SYNE3: variants seen among roughly 807,000 people sequenced by gnomAD.
SYNE3 encodes the protein spectrin repeat containing nuclear envelope family member 3, also known as nesprin-3.
A neutral mutation model predicts 111.2 loss-of-function variants in SYNE3; 100 were observed. That is an observed-to-expected ratio of 0.90 (90% CI 0.77 to 1.06). The LOEUF (loss-of-function observed/expected upper bound fraction) is 1.06. SYNE3 is among the 50% of genes least tolerant of loss of function. SYNE3 has a pLI of 0.00. For missense variants in SYNE3, 1,160 were observed against 1,240.3 expected (o/e 0.94, Z 0.97); for synonymous variants, 547 against 533.9 (o/e 1.02, Z -0.34).
At chr14:95,428,077 G>A (rs1269554795) in intron 17 of SYNE3, among the ~76,000 whole-genome samples, 1 of 152,144 alleles carries the variant, frequency 6.6e-6, no homozygotes, top group Non-Finnish European at 1.5e-5. Flanking sequence ...TCAATATGGG[G>A]GACCAAGGGA....
intron 17 of SYNE3, among the ~76,000 whole-genome samples, chr14:95,427,877 A>G (rs746304462): frequency 2.6e-5 from 4 of 152,140 alleles, no homozygotes; most frequent in Non-Finnish European, 5.9e-5. Flanking sequence ...AAACTCACCG[A>G]CCCTGTGGGG....
intron 1 of SYNE3, among the ~76,000 whole-genome samples, chr14:95,491,646 T>A (rs565065270): frequency 6.6e-6 from 1 of 152,186 alleles, no homozygotes; most frequent in African/African-American, 2.4e-5. Flanking sequence ...TACGCATCAA[T>A]CTTCCTGACC....
intron 8 of SYNE3, among the ~76,000 whole-genome samples, chr14:95,448,720 T>G (rs946837345): frequency 3.3e-5 from 5 of 152,112 alleles, no homozygotes; most frequent in Non-Finnish European, 5.9e-5. Flanking sequence ...GAAAACAAAT[T>G]ATTGTCCCAA....
At position 95,415,098 on chromosome 14, in the gene SYNE3, A is replaced by G. The variant is rs1239630907; in HGVS notation, c.*2728T>C. The G allele has an allele frequency of 1.3e-5, 2 of 149,174 alleles. No homozygotes were observed. Among genetic ancestry groups the G allele is most frequent in the African/African-American group, 5.0e-5 (2 of 40,304 alleles). 9.2% of individuals were successfully genotyped at this position (149,174 alleles called of 1,614,324 possible). On this transcript the variant is annotated 3_prime_UTR_variant, in exon 18 of 18. Coordinates refer to ENST00000682763, the MANE Select transcript of SYNE3 (RefSeq NM_152592.6). ...TACATGCCCAGTGGCTGTTTTTTTC[A>G]TGTAGTTGCTGACATGAGCGGATCA...
At chr14:95,460,695 C>T (rs959537632) in intron 4 of SYNE3, among the ~76,000 whole-genome samples, 4 of 152,188 alleles carry the variant, frequency 2.6e-5, no homozygotes, top group Non-Finnish European at 5.9e-5. Context: ...CTTCGGCAAG[C>T]TCCCCTGCTG....
At position 95,455,499 on chromosome 14, in the gene SYNE3, G is replaced by A. The variant is rs759165323; in HGVS notation, c.1015C>T (p.Gln339Ter). The A allele has an allele frequency of 6.2e-7, 1 of 1,613,744 alleles. No homozygotes were observed. Among genetic ancestry groups the A allele is most frequent in the South Asian group, 1.1e-5 (1 of 91,046 alleles). ...AACTCACTGAGCTCAGCCTCCAGCT[G>A]CTTAATCTGCTGCTCCCAGGCTCCC... ...SRGAWEQQIK[Q>*]LEAELSEFRM... Residue 339 changes from glutamine to a stop codon, truncating the protein, a stop_gained, in exon 6 of 18, where the codon CAG becomes TAG. Transcript: ENST00000682763. LOFTEE classifies it high-confidence loss of function.
At chr14:95,484,483 G>A (rs1477405253) in intron 1 of SYNE3, among the ~76,000 whole-genome samples, 3 of 152,202 alleles carry the variant, frequency 2.0e-5, no homozygotes, top group Non-Finnish European at 2.9e-5. Context: ...GCCGGTCAGA[G>A]GGCAGGCAGG....
At chr14:95,493,319 C>A (rs1889935626) in intron 1 of SYNE3, among the ~76,000 whole-genome samples, 1 of 152,198 alleles carries the variant, frequency 6.6e-6, no homozygotes, top group South Asian at 2.1e-4. Flanking sequence ...TTTAAGACAA[C>A]TTTAATGGTT....
At chr14:95,444,410 G>T in intron 10 of SYNE3, 75 bp downstream of exon 10, 1 of 1,514,588 alleles carries the variant, frequency 6.6e-7, no homozygotes, top group Non-Finnish European at 8.9e-7. Flanking sequence ...GCTGGTTACT[G>T]CTAGAGGGAG....
At chr14:95,448,683 G>A (rs1457954618) in intron 8 of SYNE3, among the ~76,000 whole-genome samples, 4 of 152,164 alleles carry the variant, frequency 2.6e-5, no homozygotes, top group Non-Finnish European at 4.4e-5. Context: ...GCAAGACTTC[G>A]TCTCCAAACA....
At position 95,475,766 on chromosome 14, in the gene SYNE3, C is replaced by T; in HGVS notation, c.56G>A (p.Trp19Ter). The change falls in exon 2 of 18, where the codon TGG becomes TAG. Residue 19 changes from tryptophan to a stop codon, truncating the protein, a stop_gained. Coordinates refer to ENST00000682763, the MANE Select transcript of SYNE3 (RefSeq NM_152592.6). LOFTEE classifies it high-confidence loss of function. ...FDRSVEDAQA[W>*]MKAVQDQLQV... ...CAGCTGGTCCTGCACAGCCTTCATC[C>T]ATGCCTGGGCATCCTCCACGCTCCT... 3 of 1,605,806 alleles carry T rather than the reference C, an allele frequency of 1.9e-6. No individual in the cohort carries two copies. The highest frequency in any genetic ancestry group is 2.5e-6 in the Non-Finnish European group (3 of 1,176,722).
intron 1 of SYNE3, among the ~76,000 whole-genome samples, chr14:95,476,089 G>A (rs1459096835): frequency 6.6e-6 from 1 of 152,220 alleles, no homozygotes; most frequent in Non-Finnish European, 1.5e-5. Context: ...GGCCTCTCAG[G>A]TTCCCTGCTT....
chr14:95,424,654 G>T (rs902871417), intron 17 of SYNE3, among the ~76,000 whole-genome samples: 1 of 152,128 alleles, frequency 6.6e-6, no homozygotes, highest in Non-Finnish European at 1.5e-5. Context: ...CCACAGCACC[G>T]CTCTGTGACA....
In SYNE3 at chr14:95,432,133, A is replaced by AG; in HGVS notation, c.2689-17dup. 1.2e-6 allele frequency: 2 copies of AG among 1,608,594 alleles called. No individual in the cohort carries two copies. Among genetic ancestry groups the AG allele is most frequent in the Non-Finnish European group, 1.7e-6 (2 of 1,177,936 alleles). On this transcript the variant is annotated splice_polypyrimidine_tract_variant and intron_variant, in intron 16 of 17. Transcript: ENST00000682763. ...AACTTTGTGTCTGTTATTTTAGGGA[A>AG]GGAGAGGAAAAGGGGGGAAAAAAAT...
chr14:95,440,045 G>C lies in SYNE3; in HGVS notation c.1942C>G (p.Gln648Glu). 6.2e-7 allele frequency: 1 copy of C among 1,607,958 alleles called. No individual in the cohort carries two copies. Among genetic ancestry groups the C allele is most frequent in the Non-Finnish European group, 8.5e-7 (1 of 1,179,870 alleles). ...DLVDRCRQSVQEHCTFSHQLL... is the reference protein window; with the variant it reads ...DLVDRCRQSVEEHCTFSHQLL... ...TGGTGGCTGAAGGTGCAGTGCTCCTGCACACTCTGCCGACACCTGTCCACA... is the reference window on the plus strand; with the variant it reads ...TGGTGGCTGAAGGTGCAGTGCTCCTCCACACTCTGCCGACACCTGTCCACA... Residue 648 changes from glutamine to glutamate, a missense_variant, in exon 12 of 18, where the codon CAG (glutamine) becomes GAG (glutamate). By Grantham distance (29) the Gln-to-Glu change is conservative (BLOSUM62 2). Transcript: ENST00000682763.
At chr14:95,492,718 T>G (rs1234760168) in intron 1 of SYNE3, among the ~76,000 whole-genome samples, 1 of 152,166 alleles carries the variant, frequency 6.6e-6, no homozygotes, top group Non-Finnish European at 1.5e-5. Context: ...TCTGTGAATA[T>G]ACTAAGAGGC....
chr14:95,509,092 G>C (rs1890631169), intron 1 of SYNE3, among the ~76,000 whole-genome samples: 1 of 152,244 alleles, frequency 6.6e-6, no homozygotes, highest in Non-Finnish European at 1.5e-5. Context: ...GCACAGGCTA[G>C]TGGGGAATCA....
At chr14:95,460,383 T>G (rs1419398059) in intron 4 of SYNE3, among the ~76,000 whole-genome samples, 4 of 148,752 alleles carry the variant, frequency 2.7e-5, no homozygotes, top group Non-Finnish European at 4.5e-5. Flanking sequence ...TTTTTTTTTT[T>G]TTTTTTTTGC....
chr14:95,444,287 C>T, intron 10 of SYNE3, 198 bp downstream of exon 10: 2 of 630,774 alleles, frequency 3.2e-6, no homozygotes, highest in East Asian at 5.9e-5. Flanking sequence ...GAGCTCAAGA[C>T]TCAGTTGTTT....
Sources: gnomAD v4.1 joint callset for allele counts (sites outside exome capture counted in the v4.1 genomes callset) on GRCh38, gnomAD v4.1.1 for gene constraint, MANE v1.5 for transcripts, NCBI Gene and HGNC (gene_info 2026-07-23, HGNC 2026-07-21) for gene names.